The following GABRA3 variants were observed in gnomAD, a reference collection of about 807,000 sequenced individuals.
The protein encoded by GABRA3 is gamma-aminobutyric acid receptor subunit alpha-3.
Under a neutral mutation model 30.1 loss-of-function variants are expected in GABRA3, and 10 were observed. The ratio of observed to expected loss-of-function variants is 0.33; its 90% CI spans 0.20 to 0.56. The LOEUF (loss-of-function observed/expected upper bound fraction) is 0.56. Among genes scored for constraint, GABRA3 ranks in the 20% least tolerant of loss-of-function variants. GABRA3 has a pLI of 0.89. For synonymous variants in GABRA3, 151 were observed against 146.8 expected, an observed-to-expected ratio of 1.03 and a Z score of -0.21; for missense variants, 233 against 392.0, an observed-to-expected ratio of 0.59 and a Z score of 3.42.
At chrX:152,294,838 T>C (rs1939495935) in intron 3 of GABRA3, among the ~76,000 whole-genome samples, 1 of 111,563 alleles carries the variant, frequency 9.0e-6, no homozygotes, top group African/African-American at 3.3e-5. Flanking sequence ...TTTGTTGATG[T>C]TGATGCTATT....
intron 6 of GABRA3, among the ~76,000 whole-genome samples, chrX:152,218,029 T>G (rs759144837): frequency 4.6e-5 from 5 of 108,794 alleles, no homozygotes; most frequent in East Asian, 5.8e-4. Context: ...GGTCTTCTTT[T>G]TCTAGTCTCT....
At chrX:152,325,027 G>C (rs1940029979) in intron 3 of GABRA3, among the ~76,000 whole-genome samples, 1 of 111,525 alleles carries the variant, frequency 9.0e-6, no homozygotes, top group Non-Finnish European at 1.9e-5. Flanking sequence ...CTGTTGTTCT[G>C]TGAGATAGCT....
intron 1 of GABRA3, among the ~76,000 whole-genome samples, chrX:152,437,231 C>T (rs1275569457): frequency 1.8e-5 from 2 of 111,905 alleles, no homozygotes; most frequent in East Asian, 2.8e-4. Flanking sequence ...CAATGAACAA[C>T]TGGAATTTGA....
intron 9 of GABRA3, among the ~76,000 whole-genome samples, chrX:152,181,155 C>A (rs1427689850): frequency 8.9e-6 from 1 of 111,771 alleles, no homozygotes; most frequent in African/African-American, 3.3e-5. Flanking sequence ...AATATTAATT[C>A]TTCTAGCCAT....
intron 4 of GABRA3, among the ~76,000 whole-genome samples, chrX:152,266,877 A>G (rs1222476441): frequency 8.9e-6 from 1 of 111,980 alleles, no homozygotes; most frequent in Non-Finnish European, 1.9e-5. Context: ...AACTCTGCAT[A>G]GCGTATAGCA....
At chrX:152,230,618 G>A (rs1938050122) in intron 5 of GABRA3, among the ~76,000 whole-genome samples, 1 of 110,790 alleles carries the variant, frequency 9.0e-6, no homozygotes, top group Admixed American at 9.7e-5. Flanking sequence ...TTATAATATA[G>A]ACTAATGGAA....
intron 3 of GABRA3, among the ~76,000 whole-genome samples, chrX:152,303,608 TACCC>T (rs1259710146): frequency 1.8e-5 from 2 of 111,945 alleles, no homozygotes; most frequent in African/African-American, 6.5e-5. Flanking sequence ...GTGGCACATA[TACCC>T]ATGGAATACC....
intron 1 of GABRA3, among the ~76,000 whole-genome samples, chrX:152,430,749 T>C (rs763025970): frequency 9.0e-6 from 1 of 111,521 alleles, no homozygotes; most frequent in African/African-American, 3.3e-5. Flanking sequence ...AATGCAAAAC[T>C]CTATAGAAGT....
chrX:152,412,309 T>TC (rs1930093677), intron 1 of GABRA3, among the ~76,000 whole-genome samples: 1 of 111,727 alleles, frequency 9.0e-6, no homozygotes, highest in Non-Finnish European at 1.9e-5. Flanking sequence ...ACTCAGCAAT[T>TC]CCACTCCTGG....
chrX:152,282,821 AGT>A (rs1939223075), intron 4 of GABRA3, among the ~76,000 whole-genome samples: 1 of 111,443 alleles, frequency 9.0e-6, no homozygotes, highest in South Asian at 3.8e-4. Context: ...TGCCTAGAAT[AGT>A]GTGTGGGCTG....
At chrX:152,334,753 A>G (rs1940209123) in intron 3 of GABRA3, among the ~76,000 whole-genome samples, 1 of 101,539 alleles carries the variant, frequency 9.8e-6, no homozygotes, top group Admixed American at 1.0e-4. Flanking sequence ...GGGCATACAT[A>G]AAATCAAAAA....
chrX:152,432,092 C>T (rs1569423934), intron 1 of GABRA3, among the ~76,000 whole-genome samples: 1 of 111,174 alleles, frequency 9.0e-6, no homozygotes, highest in Admixed American at 9.6e-5. Context: ...AAAATTAAAT[C>T]GAAGTTATAC....
chrX:152,393,629 T>C (rs1929558170), intron 1 of GABRA3: 1 of 242,981 alleles, frequency 4.1e-6, no homozygotes, highest in Non-Finnish European at 8.0e-6. Context: ...ACAACTTATT[T>C]AGGCAAACAG....
At chrX:152,373,804 T>C (rs1603250061) in intron 1 of GABRA3, among the ~76,000 whole-genome samples, 1 of 89,522 alleles carries the variant, frequency 1.1e-5, no homozygotes, top group African/African-American at 4.2e-5. Context: ...CAGGCCCCGG[T>C]GTGTGATGTT....
intron 1 of GABRA3, among the ~76,000 whole-genome samples, chrX:152,420,090 A>T (rs1357015940): frequency 8.9e-6 from 1 of 112,086 alleles, no homozygotes; most frequent in East Asian, 2.8e-4. Context: ...ATGATTTTTT[A>T]AAAAGTCTTT....
chrX:152,284,548 T>A (rs1379300395), intron 4 of GABRA3, 120 bp downstream of exon 4: 3 of 451,541 alleles, frequency 6.6e-6, no homozygotes, highest in Non-Finnish European at 1.1e-5. Flanking sequence ...GGGTAGGAAA[T>A]TCATATGAGA....
chrX:152,393,620 C>A, intron 1 of GABRA3: 1 of 246,193 alleles, frequency 4.1e-6, no homozygotes, highest in Non-Finnish European at 7.9e-6. Flanking sequence ...CACATGAATA[C>A]AACTTATTTA....
chrX:152,437,757 G>A (rs995437301), intron 1 of GABRA3, among the ~76,000 whole-genome samples: 3 of 111,754 alleles, frequency 2.7e-5, no homozygotes, highest in Non-Finnish European at 5.6e-5. Flanking sequence ...GATAATATAA[G>A]GGATAAATGA....
intron 1 of GABRA3, among the ~76,000 whole-genome samples, chrX:152,434,288 C>G (rs1476241020): frequency 9.0e-6 from 1 of 111,126 alleles, no homozygotes; most frequent in Non-Finnish European, 1.9e-5. Context: ...AGCCTCGCAG[C>G]CTACATCTTT....
Sources: gnomAD v4.1 joint callset for allele counts (sites outside exome capture counted in the v4.1 genomes callset) on GRCh38, gnomAD v4.1.1 for gene constraint, MANE v1.5 for transcripts, NCBI Gene and HGNC (gene_info 2026-07-23, HGNC 2026-07-21) for gene names.